The following EHBP1 variants were observed in gnomAD, a reference collection of about 807,000 sequenced individuals.
EHBP1 encodes EH domain binding protein 1, also known as EH domain-binding protein 1.
EHBP1 carries 55 observed loss-of-function variants against 144.0 expected under a neutral mutation model. The ratio of observed to expected loss-of-function variants is 0.38; its 90% CI spans 0.31 to 0.48. EHBP1 has a LOEUF of 0.48. Among genes scored for constraint, EHBP1 ranks in the 20% least tolerant of loss-of-function variants. EHBP1 has a pLI of 0.98. For synonymous variants in EHBP1, 469 were observed against 472.7 expected, an observed-to-expected ratio of 0.99 and a Z score of 0.10; for missense variants, 1,200 against 1,364.2, an observed-to-expected ratio of 0.88 and a Z score of 1.90.
chr2:62,887,864 G>A (rs1340004092), intron 10 of EHBP1, among the ~76,000 whole-genome samples: 1 of 152,186 alleles, frequency 6.6e-6, no homozygotes, highest in South Asian at 2.1e-4. Flanking sequence ...AACCCAGGCT[G>A]TCGAAGTTGA....
intron 2 of EHBP1, among the ~76,000 whole-genome samples, chr2:62,713,717 T>C (rs553241765): frequency 6.6e-6 from 1 of 152,356 alleles, no homozygotes; most frequent in East Asian, 1.9e-4. Context: ...GAACATCTTA[T>C]TCCTTGAAAC....
At chr2:63,026,331 T>C (rs2060976910) in intron 19 of EHBP1, among the ~76,000 whole-genome samples, 1 of 151,430 alleles carries the variant, frequency 6.6e-6, no homozygotes, top group Non-Finnish European at 1.5e-5. Flanking sequence ...TGTGTGTGTG[T>C]GTGTGTGTGT....
intron 1 of EHBP1, among the ~76,000 whole-genome samples, chr2:62,675,500 T>C (rs961538502): frequency 1.3e-5 from 2 of 152,132 alleles, no homozygotes; most frequent in African/African-American, 4.8e-5. Flanking sequence ...ATGCAAAGGA[T>C]AATGAAAAGG....
intron 10 of EHBP1, among the ~76,000 whole-genome samples, chr2:62,881,418 G>GAAAAAAAAAA (rs371288881): frequency 8.6e-5 from 6 of 69,752 alleles, no homozygotes; most frequent in Non-Finnish European, 1.1e-4. Flanking sequence ...AGGAAAAACG[G>GAAAAAAAAAA]AAAAAAAAAA....
At chr2:62,791,688 A>G (rs2043177813) in intron 5 of EHBP1, among the ~76,000 whole-genome samples, 1 of 152,002 alleles carries the variant, frequency 6.6e-6, no homozygotes, top group African/African-American at 2.4e-5. Flanking sequence ...TCCAAGAGAA[A>G]AATTTTAATG....
intron 19 of EHBP1, among the ~76,000 whole-genome samples, chr2:63,015,126 A>G (rs1037056398): frequency 6.6e-6 from 1 of 152,196 alleles, no homozygotes; most frequent in African/African-American, 2.4e-5. Flanking sequence ...CATTTAACAC[A>G]TATATTTGAT....
chr2:62,719,892 A>G (rs920879072), intron 2 of EHBP1, among the ~76,000 whole-genome samples: 5 of 152,220 alleles, frequency 3.3e-5, no homozygotes, highest in Non-Finnish European at 5.9e-5. Context: ...ACTGATACTA[A>G]TGGAAGACTG....
intron 13 of EHBP1, 76 bp from the exon 14 acceptor site, chr2:62,955,441 C>G: frequency 7.2e-7 from 1 of 1,395,402 alleles, no homozygotes; most frequent in Non-Finnish European, 9.8e-7. Context: ...AGCAGATTGT[C>G]TAACCTTTCA....
At chr2:62,854,777 G>A (rs908139561) in intron 7 of EHBP1, among the ~76,000 whole-genome samples, 14 of 152,302 alleles carry the variant, frequency 9.2e-5, no homozygotes, top group Admixed American at 5.2e-4. Context: ...CGTCTGGAGT[G>A]GTGGCTGTCG....
At chr2:62,824,559 CA>C (rs1465949330) in intron 5 of EHBP1, among the ~76,000 whole-genome samples, 1 of 151,954 alleles carries the variant, frequency 6.6e-6, no homozygotes, top group Non-Finnish European at 1.5e-5. Context: ...CACATCTGTT[CA>C]ACTTGATTCA....
chr2:62,681,340 G>GTATATATATATATATATA (rs768323831), intron 1 of EHBP1, among the ~76,000 whole-genome samples: 5,712 of 58,232 alleles, frequency 0.098, 753 homozygotes, highest in African/African-American at 0.19. Flanking sequence ...ATGTGTGTGT[G>GTATATATATATATATATA]TATATATATA....
rs544853547 is a variant in EHBP1 at position 62,932,813 on chromosome 2, G to T, written c.1186-9905G>T. Among the ~76,000 whole-genome samples, 23 of 152,072 alleles carry T rather than the reference G, an allele frequency of 1.5e-4. No individual in the cohort carries two copies. In the East Asian group the frequency reaches 4.3e-3, roughly 28 times the overall value. On this transcript the variant is annotated intron_variant, in intron 10 of 22. Coordinates refer to ENST00000431489, the MANE Select transcript of EHBP1 (RefSeq NM_001142616.3). ...TACTAAAAATACAAAAATTAGCTGGGCATGATGGCATGAGCCTGTAATCCC... is the reference window on the plus strand; with the variant it reads ...TACTAAAAATACAAAAATTAGCTGGTCATGATGGCATGAGCCTGTAATCCC...
At chr2:62,905,069 G>C (rs1306687258) in intron 10 of EHBP1, among the ~76,000 whole-genome samples, 1 of 152,168 alleles carries the variant, frequency 6.6e-6, no homozygotes, top group Non-Finnish European at 1.5e-5. Context: ...TTCTATGAAG[G>C]TGATGTTTAA....
chr2:62,708,144 T>C (rs1014625678), intron 2 of EHBP1, among the ~76,000 whole-genome samples: 1 of 152,202 alleles, frequency 6.6e-6, no homozygotes, highest in Non-Finnish European at 1.5e-5. Context: ...AGGTCTGTAA[T>C]AATTTTTCTT....
rs1026211577 is a variant in EHBP1, at chr2:63,046,050, C to A, written c.*550C>A. 1 of 153,572 alleles carries A rather than the reference C, an allele frequency of 6.5e-6. No homozygotes were observed. Among genetic ancestry groups the A allele is most frequent in the African/African-American group, 2.4e-5 (1 of 41,520 alleles). The allele number at this position is 153,572 out of a possible 1,614,324, so 9.5% of individuals were successfully genotyped here. A position where few individuals can be genotyped will look rare whatever the true frequency, so the allele number is the denominator to read the frequency against. ...TGTTCTATTTACCAGTGGAGTTTTT[C>A]TGCAGTGGTTGCGTTTCACTGTAAG... is the stretch of plus-strand genomic sequence containing the variant. On this transcript the variant is annotated 3_prime_UTR_variant, in exon 23 of 23. Transcript: ENST00000431489.
chr2:62,911,396 A>G (rs1012935646), intron 10 of EHBP1, among the ~76,000 whole-genome samples: 5 of 152,176 alleles, frequency 3.3e-5, no homozygotes, highest in East Asian at 1.9e-4. Flanking sequence ...TCTGACCAAA[A>G]TAAGGCATTA....
chr2:62,695,561 G>C (rs1400097524), intron 1 of EHBP1, among the ~76,000 whole-genome samples: 3 of 152,130 alleles, frequency 2.0e-5, no homozygotes, highest in African/African-American at 7.2e-5. Flanking sequence ...ATTTGGGGGA[G>C]AGTTTCCATT....
intron 10 of EHBP1, among the ~76,000 whole-genome samples, chr2:62,929,439 A>G (rs539446876): frequency 7.2e-5 from 11 of 152,308 alleles, no homozygotes; most frequent in African/African-American, 2.4e-4. Context: ...AATCAGTGTA[A>G]TACACTACAT....
chr2:62,915,888 A>G (rs1292701549), intron 10 of EHBP1, among the ~76,000 whole-genome samples: 2 of 152,204 alleles, frequency 1.3e-5, no homozygotes, highest in Admixed American at 6.6e-5. Flanking sequence ...ACATTTGCAT[A>G]ATCATTTAAT....
Sources: gnomAD v4.1 joint callset for allele counts (sites outside exome capture counted in the v4.1 genomes callset) on GRCh38, gnomAD v4.1.1 for gene constraint, MANE v1.5 for transcripts, NCBI Gene and HGNC (gene_info 2026-07-23, HGNC 2026-07-21) for gene names.